TCF20: variants seen among roughly 807,000 people sequenced by gnomAD.
TCF20 encodes transcription factor 20.
In TCF20, 3 loss-of-function variants were observed where a neutral mutation model predicts 148.6. The observed-to-expected ratio is 0.02, with a 90% confidence interval of 0.01 to 0.05. The LOEUF (loss-of-function observed/expected upper bound fraction) is 0.05, where lower values mean the gene tolerates loss of function less well. TCF20 is among the 10% of genes least tolerant of loss of function. The pLI, the probability that TCF20 is intolerant of heterozygous loss-of-function variation, is 1.00. For missense variants in TCF20, 2,350 were observed against 2,429.3 expected (o/e 0.97, Z 0.69); for synonymous variants, 1,049 against 909.5 (o/e 1.15, Z -2.76).
intron 3 of TCF20, among the ~76,000 whole-genome samples, chr22:42,175,758 A>G (rs2147080476): frequency 6.6e-6 from 1 of 152,266 alleles, no homozygotes; most frequent in South Asian, 2.1e-4. Context: ...GAAAAAAGAG[A>G]ACAGAAGGGA....
At chr22:42,314,254 C>T (rs1184281649) in intron 1 of TCF20, among the ~76,000 whole-genome samples, 4 of 152,256 alleles carry the variant, frequency 2.6e-5, no homozygotes, top group Admixed American at 6.5e-5. Flanking sequence ...CCGTCTCTTC[C>T]GGATGTGTGC....
chr22:42,266,822 C>A (rs909852621), intron 1 of TCF20, among the ~76,000 whole-genome samples: 1 of 152,112 alleles, frequency 6.6e-6, no homozygotes, highest in African/African-American at 2.4e-5. Context: ...GGTTATGGAA[C>A]CTAAAAGCCA....
chr22:42,162,838 C>T (rs761688758), intron 5 of TCF20, among the ~76,000 whole-genome samples: 3 of 152,202 alleles, frequency 2.0e-5, no homozygotes, highest in East Asian at 1.9e-4. Flanking sequence ...TTCCCAAGCA[C>T]GTACATGCAC....
intron 3 of TCF20, among the ~76,000 whole-genome samples, chr22:42,175,571 C>T (rs997231136): frequency 6.6e-6 from 1 of 151,268 alleles, no homozygotes; most frequent in Non-Finnish European, 1.5e-5. Context: ...AATCTCCTGA[C>T]CTTGTGATCC....
intron 1 of TCF20, among the ~76,000 whole-genome samples, chr22:42,267,664 G>A (rs1569194828): frequency 6.6e-6 from 1 of 152,224 alleles, no homozygotes; most frequent in Non-Finnish European, 1.5e-5. Context: ...TAGTGCCACT[G>A]CACTCCAGCC....
intron 1 of TCF20, among the ~76,000 whole-genome samples, chr22:42,246,873 G>C (rs375622445): frequency 8.2e-4 from 124 of 151,802 alleles, no homozygotes; most frequent in African/African-American, 2.8e-3. Context: ...GGCTGATGCA[G>C]GAGAACTGCT....
chr22:42,320,171 G>A (rs1306302597), intron 1 of TCF20, among the ~76,000 whole-genome samples: 2 of 152,050 alleles, frequency 1.3e-5, no homozygotes, highest in African/African-American at 4.8e-5. Context: ...CCAGTCACCC[G>A]CCTTCTGGCT....
chr22:42,279,924 G>A lies in TCF20; in HGVS notation c.-37+3903C>T, dbSNP rs1926864453. On this transcript the variant is annotated intron_variant, in intron 1 of 5. Transcript: ENST00000359486. The surrounding 1 kb of genome is among the most constrained non-coding windows in gnomAD (Gnocchi z 4.3). ...CCAGGTGCTCCTCACAGGTGATGGG[G>A]TGTGTTGTCTATGGGGCTCTTGTGC... Among the ~76,000 whole-genome samples the A allele has an allele frequency of 6.6e-6, 1 of 151,562 alleles. No homozygotes were observed. The highest frequency in any genetic ancestry group is 2.1e-4 in the South Asian group (1 of 4,770).
chr22:42,313,597 C>CT (rs551146210), intron 1 of TCF20, among the ~76,000 whole-genome samples: 59,457 of 120,334 alleles, frequency 0.49, 16,084 homozygotes, highest in African/African-American at 0.63. Flanking sequence ...AGAATTCTTT[C>CT]TTTTTTTTTT....
chr22:42,219,885 T>G (rs1166602960), intron 1 of TCF20, among the ~76,000 whole-genome samples: 2 of 152,122 alleles, frequency 1.3e-5, no homozygotes, highest in East Asian at 3.9e-4. Context: ...GGCCTACCGA[T>G]GTACTTCCCA....
At chr22:42,168,843 G>T in intron 4 of TCF20, 107 bp from the exon 5 acceptor site, 1 of 1,405,162 alleles carries the variant, frequency 7.1e-7, no homozygotes, top group South Asian at 1.5e-5. Context: ...GGAAAGAAAA[G>T]GCAGAGTCAG....
At chr22:42,336,610 A>G (rs1340962252) in intron 1 of TCF20, among the ~76,000 whole-genome samples, 3 of 152,046 alleles carry the variant, frequency 2.0e-5, no homozygotes, top group East Asian at 3.9e-4. Context: ...ATAAAATCCC[A>G]GGCATCTCCT....
chr22:42,285,645 A>AT (rs1927016949), upstream of TCF20, among the ~76,000 whole-genome samples: 1 of 151,442 alleles, frequency 6.6e-6, no homozygotes, highest in Non-Finnish European at 1.5e-5. This position sits in a 1 kb window ranked among gnomAD's most constrained non-coding sequence, Gnocchi z 4.2. Flanking sequence ...TTATTATTTT[A>AT]TTTTTTTTGT....
At position 42,299,635 on chromosome 22, in the gene TCF20, C is replaced by T. The variant is rs2147032726; in HGVS notation, c.-37+43844G>A. On this transcript the variant is annotated intron_variant, in intron 1 of 1. Coordinates refer to the TCF20 transcript ENST00000515426. The surrounding 1 kb of genome is among the most constrained non-coding windows in gnomAD (Gnocchi z 4.1). ...GCTAGCAGCTCTCCAACCTCTGTACCTCTCCCCGAACGCAGGCCCCCCTGC... is the reference window on the plus strand; with the variant it reads ...GCTAGCAGCTCTCCAACCTCTGTACTTCTCCCCGAACGCAGGCCCCCCTGC... Among the ~76,000 whole-genome samples the T allele has an allele frequency of 6.6e-6, 1 of 152,328 alleles. No homozygotes were observed. Among genetic ancestry groups the T allele is most frequent in the South Asian group, 2.1e-4 (1 of 4,826 alleles).
chr22:42,290,647 CCT>C lies in TCF20; in HGVS notation c.-37+52830_-37+52831del, dbSNP rs1460549548. Among the ~76,000 whole-genome samples the C allele has an allele frequency of 2.0e-5, 3 of 152,088 alleles. No homozygotes were observed. The highest frequency in any genetic ancestry group is 7.2e-5 in the African/African-American group (3 of 41,414). On this transcript the variant is annotated intron_variant, in intron 1 of 1. Transcript: ENST00000515426. This position sits in a 1 kb window ranked among gnomAD's most constrained non-coding sequence, Gnocchi z 4.2. ...TACCAGAGGAGAAGGAGCGCGTGCC[CCT>C]GAGCCCACTCGCTGTGGCTGCAGCA...
intron 1 of TCF20, among the ~76,000 whole-genome samples, chr22:42,239,492 G>A (rs967315430): frequency 2.6e-5 from 3 of 115,744 alleles, no homozygotes; most frequent in African/African-American, 9.9e-5. Flanking sequence ...AAAAAAAAAA[G>A]TTTAAAATAT....
At chr22:42,296,544 C>G (rs1469107882) in intron 1 of TCF20, among the ~76,000 whole-genome samples, 2 of 152,250 alleles carry the variant, frequency 1.3e-5, no homozygotes, top group African/African-American at 4.8e-5. Flanking sequence ...CTGCTGCCCA[C>G]CAGCCGGCCC....
At chr22:42,254,837 C>T (rs1055017528) in intron 1 of TCF20, among the ~76,000 whole-genome samples, 10 of 151,298 alleles carry the variant, frequency 6.6e-5, no homozygotes, top group African/African-American at 9.7e-5. Flanking sequence ...TGGAGGCGGG[C>T]GCCTGTAGTC....
chr22:42,211,556 G>C lies in TCF20; in HGVS notation c.3750C>G (p.Pro1250=), dbSNP rs771955013. 5 of 1,614,214 alleles carry C rather than the reference G, an allele frequency of 3.1e-6. No individual in the cohort carries two copies. The highest frequency in any genetic ancestry group is 4.2e-6 in the Non-Finnish European group (5 of 1,180,034). ...PGQEDHSSQN[P]LIMRRRVRSF... ...AACGAACACGCCTCCTCATGATTAA[G>C]GGGTTTTGAGAAGAATGATCCTCCT... is the stretch of plus-strand genomic sequence containing the variant. The change falls in exon 2 of 6, where the codon CCC becomes CCG. Residue 1250 remains proline, a synonymous_variant. Coordinates refer to ENST00000677622, the MANE Select transcript of TCF20 (RefSeq NM_001378418.1).
Sources: allele counts gnomAD v4.1 joint callset (sites outside exome capture counted in the v4.1 genomes callset), GRCh38; gene constraint gnomAD v4.1.1; non-coding constraint Gnocchi (gnomAD v3.1); transcripts MANE v1.5; gene names NCBI Gene and HGNC (gene_info 2026-07-23, HGNC 2026-07-21).